ATP6V0D1: variants seen among roughly 807,000 people sequenced by gnomAD.
ATP6V0D1 encodes the protein ATPase H+ transporting V0 subunit d1, also known as V-type proton ATPase subunit d 1.
In ATP6V0D1, 13 loss-of-function variants were observed where a neutral mutation model predicts 39.0. The ratio of observed to expected loss-of-function variants is 0.33; its 90% CI spans 0.22 to 0.53. The LOEUF is 0.53. Ranked by LOEUF, ATP6V0D1 falls within the 20% of genes least tolerant of loss-of-function variation. The pLI is 0.94. For synonymous variants in ATP6V0D1, 191 were observed against 191.2 expected (o/e 1.00, Z 0.01); for missense variants, 272 against 470.9 (o/e 0.58, Z 3.91).
At chr16:67,466,279 G>A (rs1169646667) in intron 1 of ATP6V0D1, among the ~76,000 whole-genome samples, 3 of 149,284 alleles carry the variant, frequency 2.0e-5, no homozygotes, top group Admixed American at 6.7e-5. Context: ...TCGAGGGCTC[G>A]AGACCAGCCT....
chr16:67,478,568 C>T (rs1405830139), intron 1 of ATP6V0D1, among the ~76,000 whole-genome samples: 2 of 148,848 alleles, frequency 1.3e-5, no homozygotes, highest in Non-Finnish European at 3.0e-5. Context: ...GAGCGGAGAT[C>T]GCGCCACTGC....
chr16:67,468,873 T>C (rs562561130), intron 1 of ATP6V0D1, among the ~76,000 whole-genome samples: 1 of 152,126 alleles, frequency 6.6e-6, no homozygotes, highest in Non-Finnish European at 1.5e-5. Flanking sequence ...AAGAAATCGC[T>C]GAGTAAACCC....
Position 67,462,317 on chromosome 16 carries a change from C to G in ATP6V0D1, c.131-8602G>C, listed in dbSNP as rs1222659634. 2.0e-5 allele frequency among the ~76,000 whole-genome samples: 3 copies of G among 152,252 alleles called. No homozygotes were observed. The East Asian group carries it at 5.8e-4, about 29-fold the overall frequency. ...CACACCCTCCTCTGTTGATGCCCTG[C>G]ACTTTGACCGAAGCAAGCTATTTCT... On this transcript the variant is annotated intron_variant, in intron 1 of 7. Coordinates refer to ENST00000290949, the MANE Select transcript of ATP6V0D1 (RefSeq NM_004691.5).
Position 67,453,645 on chromosome 16 carries a change from C to T in ATP6V0D1, c.201G>A (p.Val67=), listed in dbSNP as rs2041206597. The change falls in exon 2 of 8, where the codon GTG becomes GTA. Residue 67 remains valine (V), a synonymous_variant. Transcript: ENST00000290949. The surrounding 1 kb of genome is among the most constrained non-coding windows in gnomAD (Gnocchi z 4.1). Reference sequence around the variant, plus strand: ...CCTTGAGCCGGTCATCGATGACTGACACCGTCAGAGGTGATGCCTCGTTGG... The same window carrying T: ...CCTTGAGCCGGTCATCGATGACTGATACCGTCAGAGGTGATGCCTCGTTGG... ...FLANEASPLT[V]SVIDDRLKEK... The T allele has an allele frequency of 1.2e-6, 2 of 1,614,214 alleles. No homozygotes were observed. Among genetic ancestry groups the T allele is most frequent in the African/African-American group, 1.3e-5 (1 of 75,044 alleles).
chr16:67,444,828 G>A lies in ATP6V0D1; in HGVS notation c.303-122C>T. The A allele has an allele frequency of 1.1e-6, 1 of 899,912 alleles. No homozygotes were observed. The highest frequency in any genetic ancestry group is 1.9e-5 in the South Asian group (1 of 52,948). The allele number at this position is 899,912 out of a possible 1,614,324, so 55.7% of individuals were successfully genotyped here. A position where few individuals can be genotyped will look rare whatever the true frequency, so the allele number is the denominator to read the frequency against. The stretch of plus-strand genomic sequence containing the variant: ...CCCTTAACAATGTATGCTGACTCAT[G>A]GGTGCTGCGGATAAGCACCAGTGTC... On this transcript the variant is annotated intron_variant, in intron 2 of 7. Coordinates refer to ENST00000290949, the MANE Select transcript of ATP6V0D1 (RefSeq NM_004691.5). The surrounding 1 kb of genome is among the most constrained non-coding windows in gnomAD (Gnocchi z 4.8).
intron 2 of ATP6V0D1, among the ~76,000 whole-genome samples, chr16:67,450,644 T>C (rs759902790): frequency 3.3e-5 from 5 of 152,042 alleles, no homozygotes; most frequent in South Asian, 2.1e-4. Flanking sequence ...GACGGGACTG[T>C]TGAAAGCTCG....
intron 1 of ATP6V0D1, among the ~76,000 whole-genome samples, chr16:67,476,946 T>C (rs910958045): frequency 1.3e-5 from 2 of 150,558 alleles, no homozygotes; most frequent in Non-Finnish European, 2.9e-5. Context: ...GGCAGGAGAA[T>C]TACTTGAACC....
At chr16:67,467,419 C>A (rs1486354481) in intron 1 of ATP6V0D1, among the ~76,000 whole-genome samples, 1 of 151,952 alleles carries the variant, frequency 6.6e-6, no homozygotes, top group East Asian at 1.9e-4. Context: ...GCAGGAGAAT[C>A]GCTTGAACCC....
At chr16:67,460,591 G>A (rs953171962) in intron 1 of ATP6V0D1, among the ~76,000 whole-genome samples, 1 of 152,136 alleles carries the variant, frequency 6.6e-6, no homozygotes, top group African/African-American at 2.4e-5. Flanking sequence ...CAGGCTCTCT[G>A]CAAACCTCAC....
rs886843287 is a variant in ATP6V0D1 at position 67,443,437 on chromosome 16, A to G, written c.482-259T>C. 2.9e-5 allele frequency: 14 copies of G among 488,382 alleles called. No homozygotes were observed. In the Admixed American group the frequency reaches 3.3e-4, roughly 11 times the overall value. The allele number at this position is 488,382 out of a possible 1,614,324, so 30.3% of individuals were successfully genotyped here. On this transcript the variant is annotated intron_variant, in intron 3 of 7. Coordinates refer to ENST00000290949, the MANE Select transcript of ATP6V0D1 (RefSeq NM_004691.5). ...CAGCTAGCCATAACATGATCTAATCACCGCTGGGGCAGACCCAAGCTCAGA... is the reference window on the plus strand; with the variant it reads ...CAGCTAGCCATAACATGATCTAATCGCCGCTGGGGCAGACCCAAGCTCAGA...
intron 1 of ATP6V0D1, among the ~76,000 whole-genome samples, chr16:67,458,358 G>A (rs2041259826): frequency 6.6e-6 from 1 of 152,196 alleles, no homozygotes; most frequent in Non-Finnish European, 1.5e-5. Context: ...AGAGCTTTGT[G>A]GGAGACCTGG....
intron 1 of ATP6V0D1, among the ~76,000 whole-genome samples, chr16:67,479,917 C>CTCTGGAGCTGTGTGCTGAGAAGAAAG (rs2041450809): frequency 1.4e-5 from 2 of 140,518 alleles, no homozygotes; most frequent in African/African-American, 6.6e-5. Flanking sequence ...GTCAACGCCA[C>CTCTGGAGCTGTGTGCTGAGAAGAAAG]GGCCGGGCGC....
At chr16:67,469,956 G>A (rs773586237) in intron 1 of ATP6V0D1, among the ~76,000 whole-genome samples, 1 of 152,202 alleles carries the variant, frequency 6.6e-6, no homozygotes, top group Non-Finnish European at 1.5e-5. Flanking sequence ...CTACCAAGAT[G>A]AGGGATTACA....
chr16:67,439,332 T>C lies in ATP6V0D1; in HGVS notation c.581A>G (p.Tyr194Cys), dbSNP rs750510246. ...TLYKAYLESF[Y>C]KFCTLLGGTT... ...CCCGCCCAGTAGGGTGCAGAACTTGTAGAAGGACTCCAGGTAGGCCTGTAG... is the reference window on the plus strand; with the variant it reads ...CCCGCCCAGTAGGGTGCAGAACTTGCAGAAGGACTCCAGGTAGGCCTGTAG... Residue 194 changes from tyrosine to cysteine, a missense_variant, in exon 5 of 8, where the codon TAC becomes TGC. By Grantham distance (194) the Tyr-to-Cys change is radical. This residue lies in a region of ATP6V0D1 where 135 missense variants were observed against 273.8 expected (regional missense o/e 0.49). Coordinates refer to ENST00000290949, the MANE Select transcript of ATP6V0D1 (RefSeq NM_004691.5). 5 of 1,613,956 alleles carry C rather than the reference T, an allele frequency of 3.1e-6. No homozygotes were observed. The East Asian group carries it at 8.9e-5, about 29-fold the overall frequency.
chr16:67,443,386 C>G (rs2041076682), intron 3 of ATP6V0D1: 3 of 550,966 alleles, frequency 5.4e-6, no homozygotes, highest in Non-Finnish European at 9.8e-6. Context: ...TGCCTCCTTG[C>G]TCCTAAAATT....
intron 1 of ATP6V0D1, among the ~76,000 whole-genome samples, chr16:67,457,819 A>G (rs928695391): frequency 1.3e-5 from 2 of 152,210 alleles, no homozygotes; most frequent in African/African-American, 4.8e-5. Flanking sequence ...CCACGGCTCC[A>G]AGCACTGCTG....
chr16:67,459,407 GA>G (rs1050261163), intron 1 of ATP6V0D1, among the ~76,000 whole-genome samples: 5 of 152,174 alleles, frequency 3.3e-5, no homozygotes, highest in African/African-American at 1.2e-4. Flanking sequence ...AGAGGCCTGG[GA>G]AGGCTGCAGC....
Position 67,444,791 on chromosome 16 carries a change from A to G in ATP6V0D1, c.303-85T>C. ...TAGCACCATGCCCTCGCCCGCCTGC[A>G]CAGGCCATCACCCCTTAACAATGTA... On this transcript the variant is annotated intron_variant, in intron 2 of 7. Coordinates refer to ENST00000290949, the MANE Select transcript of ATP6V0D1 (RefSeq NM_004691.5). The surrounding 1 kb of genome is among the most constrained non-coding windows in gnomAD (Gnocchi z 4.8). 1 of 1,261,620 alleles carries G rather than the reference A, an allele frequency of 7.9e-7. No individual in the cohort carries two copies. Among genetic ancestry groups the G allele is most frequent in the South Asian group, 1.5e-5 (1 of 68,420 alleles). The allele number at this position is 1,261,620 out of a possible 1,614,324, so 78.2% of individuals were successfully genotyped here.
chr16:67,462,814 G>A (rs1006941514), intron 1 of ATP6V0D1, among the ~76,000 whole-genome samples: 1 of 150,050 alleles, frequency 6.7e-6, no homozygotes, highest in Admixed American at 6.6e-5. Flanking sequence ...TGAGACAGAG[G>A]GAGACTCTGT....
Sources: gnomAD v4.1 joint callset for allele counts (sites outside exome capture counted in the v4.1 genomes callset) on GRCh38, gnomAD v4.1.1 for gene constraint, gnomAD v4.1.1 regional missense constraint, Gnocchi (gnomAD v3.1) non-coding constraint, MANE v1.5 for transcripts, NCBI Gene and HGNC (gene_info 2026-07-23, HGNC 2026-07-21) for gene names.